The following ATXN1 variants were observed in gnomAD, a reference collection of about 807,000 sequenced individuals.
The protein encoded by ATXN1 is ataxin 1.
In ATXN1, 8 loss-of-function variants were observed where a neutral mutation model predicts 56.4. The observed-to-expected ratio is 0.14, with a 90% CI of 0.08 to 0.26. The LOEUF is 0.26. ATXN1 is among the 10% of genes least tolerant of loss of function. ATXN1 has a pLI of 1.00. For missense variants in ATXN1, 987 were observed against 1,106.5 expected, an observed-to-expected ratio of 0.89 and a Z score of 1.53; for synonymous variants, 514 against 494.6, an observed-to-expected ratio of 1.04 and a Z score of -0.52.
intron 3 of ATXN1, among the ~76,000 whole-genome samples, chr6:16,646,689 A>C (rs2113826202): frequency 6.6e-6 from 1 of 152,348 alleles, no homozygotes; most frequent in South Asian, 2.1e-4. Flanking sequence ...GTGGAATCCT[A>C]GCCATTCTTC....
At chr6:16,399,635 G>A (rs182767272) in intron 6 of ATXN1, among the ~76,000 whole-genome samples, 104 of 152,230 alleles carry the variant, frequency 6.8e-4, no homozygotes, top group African/African-American at 2.4e-3. Context: ...GCTCTCAACC[G>A]GAAGCAATTT....
At chr6:16,437,349 C>A (rs536524281) in intron 6 of ATXN1, among the ~76,000 whole-genome samples, 11 of 152,170 alleles carry the variant, frequency 7.2e-5, no homozygotes, top group African/African-American at 2.7e-4. Flanking sequence ...CTACTTGATG[C>A]GGATAAGTTC....
At chr6:16,476,697 T>C (rs7750263) in intron 6 of ATXN1, among the ~76,000 whole-genome samples, 64,548 of 152,018 alleles carry the variant, frequency 0.42, 14,536 homozygotes, top group Non-Finnish European at 0.51. Flanking sequence ...CTGATTTACT[T>C]TATCTCATAC....
At chr6:16,456,186 C>T (rs1365366853) in intron 6 of ATXN1, among the ~76,000 whole-genome samples, 3 of 152,202 alleles carry the variant, frequency 2.0e-5, no homozygotes, top group African/African-American at 7.2e-5. Flanking sequence ...CCGTGAAGGT[C>T]CGTGCCTCCA....
At chr6:16,552,037 A>C (rs1402141410) in intron 4 of ATXN1, among the ~76,000 whole-genome samples, 7 of 152,230 alleles carry the variant, frequency 4.6e-5, no homozygotes, top group African/African-American at 1.4e-4. Flanking sequence ...GGACGTGTGC[A>C]TAGGTGGATA....
chr6:16,571,150 TA>T (rs941771672), intron 4 of ATXN1, among the ~76,000 whole-genome samples: 4 of 152,082 alleles, frequency 2.6e-5, no homozygotes, highest in Admixed American at 6.5e-5. Context: ...CTTCTGCTGC[TA>T]AAAAAACAAG....
At position 16,326,772 on chromosome 6, in the gene ATXN1, G is replaced by C. The variant is rs183437206; in HGVS notation, c.1539C>G (p.Pro513=). 18 of 1,612,570 alleles carry C rather than the reference G, an allele frequency of 1.1e-5. No individual in the cohort carries two copies. In the Admixed American group the frequency reaches 2.3e-4, roughly 21 times the overall value. Reference sequence around the variant, plus strand: ...ACGTGTGAGGCACTGCAGCAAACTGGGGGGATGACGTGACTATGGCCGGGG... The same window carrying C: ...ACGTGTGAGGCACTGCAGCAAACTGCGGGGATGACGTGACTATGGCCGGGG... The part of the protein sequence containing the change: ...GAAPAIVTSS[P]QFAAVPHTFV... Residue 513 remains proline (P), a synonymous_variant, in exon 7 of 8, where the codon CCC becomes CCG. Transcript: ENST00000436367. This position sits in a 1 kb window ranked among gnomAD's most constrained non-coding sequence, Gnocchi z 6.6.
chr6:16,741,011 A>C (rs1192248277), intron 2 of ATXN1, among the ~76,000 whole-genome samples: 1 of 152,236 alleles, frequency 6.6e-6, no homozygotes, highest in Non-Finnish European at 1.5e-5. Flanking sequence ...GGAAACGCAA[A>C]TAATTTCTGG....
At chr6:16,418,492 A>T (rs1374519129) in intron 6 of ATXN1, among the ~76,000 whole-genome samples, 1 of 152,208 alleles carries the variant, frequency 6.6e-6, no homozygotes, top group African/African-American at 2.4e-5. Flanking sequence ...CAAAGAAGGA[A>T]TAGAGAAGCA....
intron 2 of ATXN1, among the ~76,000 whole-genome samples, chr6:16,714,772 AG>A (rs551327883): frequency 2.0e-5 from 3 of 152,076 alleles, no homozygotes; most frequent in Admixed American, 6.6e-5. Context: ...TGTGTTTCAA[AG>A]GGGGGGCTAT....
chr6:16,356,501 G>C (rs1761690582), intron 6 of ATXN1, among the ~76,000 whole-genome samples: 1 of 152,106 alleles, frequency 6.6e-6, no homozygotes, highest in African/African-American at 2.4e-5. Context: ...CTAAAGTTGA[G>C]GCTCACATAA....
intron 6 of ATXN1, among the ~76,000 whole-genome samples, chr6:16,347,084 G>A (rs570995259): frequency 3.3e-5 from 5 of 152,238 alleles, no homozygotes; most frequent in Admixed American, 6.5e-5. Flanking sequence ...GGCGGGCAGG[G>A]CTCGGGACCT....
chr6:16,758,873 G>A (rs1407371305), intron 1 of ATXN1, among the ~76,000 whole-genome samples: 1 of 152,212 alleles, frequency 6.6e-6, no homozygotes, highest in African/African-American at 2.4e-5. Flanking sequence ...AGGGCAATCA[G>A]AGGAGATTAA....
chr6:16,559,090 G>T (rs950445424), intron 4 of ATXN1, among the ~76,000 whole-genome samples: 3 of 152,142 alleles, frequency 2.0e-5, no homozygotes, highest in African/African-American at 7.2e-5. Context: ...GAATATAGTA[G>T]TTTTCACCTC....
At chr6:16,715,687 G>A (rs921691871) in intron 2 of ATXN1, among the ~76,000 whole-genome samples, 1 of 152,046 alleles carries the variant, frequency 6.6e-6, no homozygotes, top group Non-Finnish European at 1.5e-5. Context: ...GCTTTGTGTT[G>A]GTATGAATGT....
intron 2 of ATXN1, among the ~76,000 whole-genome samples, chr6:16,705,561 C>A (rs934398915): frequency 6.6e-6 from 1 of 152,150 alleles, no homozygotes. Flanking sequence ...ACACTACCCC[C>A]CTCTCATTCA....
chr6:16,467,401 C>T (rs773041822), intron 6 of ATXN1, among the ~76,000 whole-genome samples: 24 of 152,302 alleles, frequency 1.6e-4, no homozygotes, highest in Middle Eastern at 3.4e-3. Flanking sequence ...ACCAGAGGGA[C>T]GCACGGTCCA....
intron 6 of ATXN1, among the ~76,000 whole-genome samples, chr6:16,347,834 A>G (rs1391029839): frequency 1.3e-5 from 2 of 152,214 alleles, no homozygotes; most frequent in Non-Finnish European, 1.5e-5. Context: ...CCGAGCCAGC[A>G]GTGGTAACCT....
At chr6:16,603,030 G>A (rs1179661369) in intron 3 of ATXN1, among the ~76,000 whole-genome samples, 1 of 152,138 alleles carries the variant, frequency 6.6e-6, no homozygotes, top group Non-Finnish European at 1.5e-5. Flanking sequence ...CCTCTCAGAA[G>A]GAGCACCATA....
Sources: allele counts gnomAD v4.1 joint callset (sites outside exome capture counted in the v4.1 genomes callset), GRCh38; gene constraint gnomAD v4.1.1; non-coding constraint Gnocchi (gnomAD v3.1); transcripts MANE v1.5; gene names NCBI Gene and HGNC (gene_info 2026-07-23, HGNC 2026-07-21).